The following SUGCT variants were observed in gnomAD, a reference collection of about 807,000 sequenced individuals.
SUGCT encodes the protein succinyl-CoA:glutarate CoA-transferase.
SUGCT carries 41 observed loss-of-function variants against 55.0 expected under a neutral mutation model. The observed-to-expected ratio is 0.74, with a 90% CI of 0.58 to 0.97. The LOEUF is 0.97. SUGCT is among the 50% of genes least tolerant of loss of function. The pLI is 0.00. For synonymous variants in SUGCT, 187 were observed against 200.4 expected, an observed-to-expected ratio of 0.93 and a Z score of 0.56; for missense variants, 568 against 547.8, an observed-to-expected ratio of 1.04 and a Z score of -0.37.
At chr7:40,899,185 T>C in the SUGCT span, among the ~76,000 whole-genome samples, 1 of 152,186 alleles carries the variant, frequency 6.6e-6, no homozygotes, top group Admixed American at 6.5e-5. Flanking sequence ...TGTGCACAGC[T>C]CTTGACCTTT....
intron 12 of SUGCT, among the ~76,000 whole-genome samples, chr7:40,670,826 GA>G (rs1801904191): frequency 6.6e-6 from 1 of 151,622 alleles, no homozygotes. Flanking sequence ...GATTGCAAGG[GA>G]ACATTTTACC....
At chr7:40,703,737 A>G (rs1408952342) in intron 12 of SUGCT, among the ~76,000 whole-genome samples, 3 of 152,250 alleles carry the variant, frequency 2.0e-5, no homozygotes, top group Non-Finnish European at 4.4e-5. Flanking sequence ...AAACAGAAAC[A>G]TGGGCTATCT....
At chr7:40,142,940 TATTA>T (rs1373990790) in intron 1 of SUGCT, among the ~76,000 whole-genome samples, 7 of 152,370 alleles carry the variant, frequency 4.6e-5, no homozygotes, top group African/African-American at 1.4e-4. Flanking sequence ...TCTACATTTT[TATTA>T]ATTGTCACCC....
chr7:40,687,044 AT>A (rs915380853), intron 12 of SUGCT, among the ~76,000 whole-genome samples: 1 of 151,668 alleles, frequency 6.6e-6, no homozygotes, highest in Admixed American at 6.6e-5. Context: ...CCACAATTTC[AT>A]TTTTTTCCCA....
At chr7:40,911,347 T>C in the SUGCT span, among the ~76,000 whole-genome samples, 1 of 152,298 alleles carries the variant, frequency 6.6e-6, no homozygotes, top group South Asian at 2.1e-4. Flanking sequence ...GTCAATGACA[T>C]TATTTTAAAA....
chr7:40,211,538 C>T (rs1486794030), intron 6 of SUGCT, among the ~76,000 whole-genome samples: 1 of 152,106 alleles, frequency 6.6e-6, no homozygotes, highest in Non-Finnish European at 1.5e-5. Context: ...TTATTACATA[C>T]ACGAGGCATG....
the SUGCT span, among the ~76,000 whole-genome samples, chr7:40,961,372 G>A: frequency 6.6e-6 from 1 of 152,042 alleles, no homozygotes; most frequent in Non-Finnish European, 1.5e-5. Flanking sequence ...GTTAGCAAGG[G>A]AGTGAGGGAG....
intron 12 of SUGCT, among the ~76,000 whole-genome samples, chr7:40,686,461 G>C (rs551093218): frequency 1.3e-5 from 2 of 152,200 alleles, no homozygotes; most frequent in Non-Finnish European, 2.9e-5. Context: ...AATATGCTTA[G>C]AATGGTGCTT....
At chr7:40,979,016 A>C in the SUGCT span, among the ~76,000 whole-genome samples, 4 of 152,092 alleles carry the variant, frequency 2.6e-5, no homozygotes, top group African/African-American at 7.2e-5. Context: ...TCAGCCTCAT[A>C]ATGTACCTTC....
At chr7:40,784,790 T>A (rs1789934855) in intron 13 of SUGCT, among the ~76,000 whole-genome samples, 1 of 152,206 alleles carries the variant, frequency 6.6e-6, no homozygotes, top group South Asian at 2.1e-4. Context: ...TTTGTCCTTA[T>A]ATGTTTTGTT....
At chr7:40,714,805 G>T (rs1331620843) in intron 12 of SUGCT, among the ~76,000 whole-genome samples, 3 of 152,124 alleles carry the variant, frequency 2.0e-5, no homozygotes, top group African/African-American at 4.8e-5. Context: ...CTGTACAAGA[G>T]AATACATGGA....
chr7:40,360,598 C>T (rs955983158), intron 9 of SUGCT, among the ~76,000 whole-genome samples: 10 of 152,086 alleles, frequency 6.6e-5, no homozygotes, highest in African/African-American at 2.4e-4. Context: ...TATGGCCATG[C>T]GTGGAAGGCA....
chr7:40,386,146 T>C (rs377551176), intron 9 of SUGCT, among the ~76,000 whole-genome samples: 4 of 152,170 alleles, frequency 2.6e-5, no homozygotes, highest in African/African-American at 9.7e-5. Context: ...TTAGAACTGT[T>C]ACTGTAGAAG....
At chr7:40,659,023 C>T (rs1034690017) in intron 12 of SUGCT, among the ~76,000 whole-genome samples, 5 of 152,132 alleles carry the variant, frequency 3.3e-5, no homozygotes, top group South Asian at 2.1e-4. Flanking sequence ...CAGTGAGGCT[C>T]TCATTTCTGG....
chr7:40,460,513 C>T (rs1475972450), intron 11 of SUGCT, among the ~76,000 whole-genome samples: 2 of 152,190 alleles, frequency 1.3e-5, no homozygotes. Flanking sequence ...TTTTTCCTTT[C>T]ACACGATGGT....
intron 13 of SUGCT, among the ~76,000 whole-genome samples, chr7:40,809,366 G>A (rs1281679963): frequency 6.6e-6 from 1 of 151,954 alleles, no homozygotes; most frequent in African/African-American, 2.4e-5. Context: ...ATTAGTGTGG[G>A]CAAATCAAAA....
intron 12 of SUGCT, chr7:40,498,907 C>G (rs555708828): frequency 2.7e-6 from 1 of 365,530 alleles, no homozygotes; most frequent in South Asian, 2.1e-5. Context: ...AATATATCTG[C>G]AAAATCTATG....
chr7:40,349,766 G>C (rs867696775), intron 9 of SUGCT, among the ~76,000 whole-genome samples: 13 of 152,058 alleles, frequency 8.5e-5, no homozygotes, highest in Middle Eastern at 3.4e-3. Context: ...TCTATCTCTC[G>C]GGCTTAAGTG....
intron 7 of SUGCT, among the ~76,000 whole-genome samples, chr7:40,245,425 T>A (rs10228044): frequency 0.011 from 134 of 12,336 alleles, 2 homozygotes; most frequent in South Asian, 0.044. Flanking sequence ...ATATATATAT[T>A]TTTTTTTTTT....
Sources: allele counts gnomAD v4.1 joint callset (sites outside exome capture counted in the v4.1 genomes callset), GRCh38; gene constraint gnomAD v4.1.1; transcripts MANE v1.5; gene names NCBI Gene and HGNC (gene_info 2026-07-23, HGNC 2026-07-21).